SCART1: variants seen among roughly 807,000 people sequenced by gnomAD.
SCART1 encodes the protein scavenger receptor cysteine-rich domain-containing protein SCART1.
A neutral mutation model predicts 36.2 loss-of-function variants in SCART1; 62 were observed. The ratio of observed to expected loss-of-function variants is 1.71; its 90% CI spans 1.40 to 2.12. The LOEUF is 2.12. SCART1 is among the 30% of genes most tolerant of loss of function. The pLI is 0.00. For synonymous variants in SCART1, 487 were observed against 238.7 expected (o/e 2.04, Z -9.59); for missense variants, 1,041 against 540.5 (o/e 1.93, Z -9.18).
intron 6 of SCART1, among the ~76,000 whole-genome samples, chr10:133,460,490 T>TATATATATATATATATATATA (rs1564834608): frequency 1.9e-5 from 2 of 102,930 alleles, no homozygotes; most frequent in African/African-American, 4.0e-5. Flanking sequence ...ATATATATAT[T>TATATATATATATATATATATA]TATATATTTT....
Position 133,464,594 on chromosome 10 carries a change from C to T in SCART1, c.1970-12C>T, listed in dbSNP as rs1168141462. On this transcript the variant is annotated splice_polypyrimidine_tract_variant and intron_variant, in intron 6 of 11. Transcript: ENST00000640237. The stretch of plus-strand genomic sequence containing the variant: ...CAGGGCACTCCCTGGCCTGACTGTG[C>T]TTGCCTTGCAGAGTCGGTGGCTCTG... 7.8e-6 allele frequency: 5 copies of T among 639,788 alleles called. No homozygotes were observed. Among genetic ancestry groups the T allele is most frequent in the African/African-American group, 7.2e-5 (4 of 55,844 alleles). The allele number at this position is 639,788 out of a possible 1,614,324, so 39.6% of individuals were successfully genotyped here.
chr10:133,456,610 G>A (rs1245268404), intron 2 of SCART1, 56 bp downstream of exon 2: 8 of 617,280 alleles, frequency 1.3e-5, no homozygotes, highest in African/African-American at 5.5e-5. Flanking sequence ...GTGGGAGGAC[G>A]AGGAGGAGGA....
At chr10:133,458,854 G>A in intron 4 of SCART1, 167 bp from the exon 5 acceptor site, 1 of 645,412 alleles carries the variant, frequency 1.5e-6, no homozygotes, top group Non-Finnish European at 2.7e-6. Flanking sequence ...AATTCTTCTG[G>A]AGAGCTGTGT....
intron 6 of SCART1, chr10:133,464,280 C>T: frequency 3.0e-6 from 1 of 332,216 alleles, no homozygotes; most frequent in Non-Finnish European, 5.5e-6. Context: ...CCTGGGCGTG[C>T]AGTGAACCTG....
intron 6 of SCART1, among the ~76,000 whole-genome samples, chr10:133,461,092 T>G (rs1850696883): frequency 6.6e-6 from 1 of 152,072 alleles, no homozygotes; most frequent in Admixed American, 6.5e-5. Context: ...ATTATTATTA[T>G]TCACACATAC....
chr10:133,468,076 G>A (rs1054390143), exon 12 of SCART1: 5 of 589,646 alleles, frequency 8.5e-6, no homozygotes, highest in Non-Finnish European at 6.2e-6. Context: ...CCTTTCTCTT[G>A]CAATGTCCTC....
intron 9 of SCART1, 28 bp downstream of exon 9, chr10:133,465,593 C>A: frequency 1.7e-6 from 1 of 574,406 alleles, no homozygotes; most frequent in South Asian, 2.2e-5. Context: ...GGAAGTCGGT[C>A]ATGGGGCCGG....
chr10:133,455,823 C>T (rs1475101084), intron 1 of SCART1, among the ~76,000 whole-genome samples: 1 of 151,944 alleles, frequency 6.6e-6, no homozygotes, highest in African/African-American at 2.4e-5. Context: ...GAGCGGGGCA[C>T]TCCAAGGGGT....
At chr10:133,465,748 C>T (rs1361243247) in intron 9 of SCART1, 183 bp downstream of exon 9, 1 of 658,966 alleles carries the variant, frequency 1.5e-6, no homozygotes, top group Non-Finnish European at 2.8e-6. Flanking sequence ...ACATGCACTC[C>T]CTGGGGTTTC....
chr10:133,467,485 G>T (rs910558365), intron 11 of SCART1, 132 bp downstream of exon 11: 7 of 598,020 alleles, frequency 1.2e-5, no homozygotes, highest in Non-Finnish European at 2.1e-5. Flanking sequence ...GCTCATGGAT[G>T]CAAAGGGACT....
intron 10 of SCART1, chr10:133,466,856 C>A (rs1850770467): frequency 4.2e-6 from 1 of 236,010 alleles, no homozygotes; most frequent in Non-Finnish European, 8.1e-6. Context: ...CTTCAGCCTG[C>A]AGGCTGATCT....
At chr10:133,456,768 C>A (rs1850620291) in intron 2 of SCART1, among the ~76,000 whole-genome samples, 1 of 152,084 alleles carries the variant, frequency 6.6e-6, no homozygotes, top group African/African-American at 2.4e-5. Context: ...AAAACCAACG[C>A]CAGGGAGAGT....
At chr10:133,464,267 G>A (rs1850736032) in intron 6 of SCART1, 1 of 323,454 alleles carries the variant, frequency 3.1e-6, no homozygotes. Context: ...GTGCTGCGGT[G>A]AACCTGGGCG....
intron 9 of SCART1, 124 bp from the exon 10 acceptor site, chr10:133,466,111 C>T (rs542644951): frequency 1.6e-6 from 1 of 630,498 alleles, no homozygotes; most frequent in Admixed American, 2.5e-5. Flanking sequence ...CCCCCCAGCA[C>T]TTCCGACTCG....
chr10:133,467,976 T>C (rs1850782628), exon 12 of SCART1: 1 of 683,860 alleles, frequency 1.5e-6, no homozygotes, highest in African/African-American at 1.8e-5. Flanking sequence ...TAAAGCAACC[T>C]GAGGATGAGA....
At chr10:133,466,024 C>T (rs963232702) in intron 9 of SCART1, 2 of 658,754 alleles carry the variant, frequency 3.0e-6, no homozygotes, top group African/African-American at 3.6e-5. Context: ...AGGAAGGGGG[C>T]TGTCCCTTGA....
Position 133,465,913 on chromosome 10 carries a change from G to A in SCART1, c.2660-322G>A, listed in dbSNP as rs114157983. Reference sequence around the variant, plus strand: ...AACCACAGTGATGACCTTAGCAAAAGCAGCAGCAGTGGTAACTTTCCCTGA... The same window carrying A: ...AACCACAGTGATGACCTTAGCAAAAACAGCAGCAGTGGTAACTTTCCCTGA... On this transcript the variant is annotated intron_variant, in intron 9 of 11. Transcript: ENST00000640237. 4,141 of 676,226 alleles carry A rather than the reference G, an allele frequency of 6.1e-3. 111 individuals carry two copies. In the African/African-American group the frequency reaches 0.064, roughly 11 times the overall value. The allele number at this position is 676,226 out of a possible 1,614,324, so 41.9% of individuals were successfully genotyped here.
exon 2 of SCART1, chr10:133,456,262 G>C: frequency 1.4e-6 from 1 of 702,784 alleles, no homozygotes; most frequent in East Asian, 2.7e-5. Flanking sequence ...TGAGGCTGGC[G>C]TACAGACACA....
intron 6 of SCART1, among the ~76,000 whole-genome samples, chr10:133,462,003 C>G (rs1850708179): frequency 6.6e-6 from 1 of 152,246 alleles, no homozygotes; most frequent in Admixed American, 6.5e-5. Context: ...TTGGGCACAG[C>G]CAGTTCAATT....
Sources: gnomAD v4.1 joint callset for allele counts (sites outside exome capture counted in the v4.1 genomes callset) on GRCh38, gnomAD v4.1.1 for gene constraint, MANE v1.5 for transcripts, NCBI Gene and HGNC (gene_info 2026-07-23, HGNC 2026-07-21) for gene names.